Variants in PINX1 observed in about 807,000 individuals in gnomAD.
PINX1 encodes PIN2 (TERF1) interacting telomerase inhibitor 1.
PINX1 carries 34 observed loss-of-function variants against 25.4 expected under a neutral mutation model. That is an observed-to-expected ratio of 1.34 (90% CI 1.02 to 1.78). The LOEUF (loss-of-function observed/expected upper bound fraction) is 1.78. PINX1 is among the 40% of genes most tolerant of loss of function. The probability of loss-of-function intolerance (pLI) is 0.00; values close to 1 mark genes in which losing one functional copy is unlikely to be tolerated. For synonymous variants in PINX1, 197 were observed against 147.7 expected (o/e 1.33, Z -2.42); for missense variants, 592 against 404.9 (o/e 1.46, Z -3.97).
At chr8:10,813,537 T>TG (rs1279125393) in intron 6 of PINX1, among the ~76,000 whole-genome samples, 1 of 151,480 alleles carries the variant, frequency 6.6e-6, no homozygotes, top group East Asian at 1.9e-4. Context: ...CAGCAAGCAA[T>TG]GGGGAAAAAA....
At position 10,801,967 on chromosome 8, in the gene PINX1, C is replaced by T. The variant is rs145607284; in HGVS notation, c.471+18226G>A. Among the ~76,000 whole-genome samples, 1,281 of 152,302 alleles carry T rather than the reference C, an allele frequency of 8.4e-3. 20 individuals are homozygous for T. Among genetic ancestry groups the T allele is most frequent in the African/African-American group, 0.029 (1,204 of 41,562 alleles). ...ACTGGAATGCAGCAATCTCACAGTA[C>T]TGCCCCATCCCCGCAATGGAGAAGC... is the stretch of plus-strand genomic sequence containing the variant. On this transcript the variant is annotated intron_variant, in intron 6 of 6. Coordinates refer to ENST00000314787, the MANE Select transcript of PINX1 (RefSeq NM_017884.6).
chr8:10,771,094 T>A (rs1425922978), intron 6 of PINX1: 2 of 152,234 alleles, frequency 1.3e-5, no homozygotes, highest in African/African-American at 4.8e-5. Context: ...TTAAGAAAGC[T>A]TGGCAAGTGA....
intron 6 of PINX1, among the ~76,000 whole-genome samples, chr8:10,797,206 C>T (rs1802111946): frequency 6.6e-6 from 1 of 152,144 alleles, no homozygotes; most frequent in Non-Finnish European, 1.5e-5. Flanking sequence ...TTACTTTAAC[C>T]TTTGTCAGCT....
intron 6 of PINX1, among the ~76,000 whole-genome samples, chr8:10,803,760 G>C (rs528945499): frequency 1.3e-5 from 2 of 152,326 alleles, no homozygotes; most frequent in East Asian, 1.9e-4. Flanking sequence ...ACCATAAATA[G>C]TAGGTTCTTT....
intron 5 of PINX1, among the ~76,000 whole-genome samples, chr8:10,824,383 G>A (rs752167490): frequency 4.6e-5 from 7 of 151,944 alleles, no homozygotes; most frequent in Non-Finnish European, 8.8e-5. Flanking sequence ...CCTTTCCTAC[G>A]TAGGCCCAGT....
At chr8:10,832,864 C>T (rs752091748) in intron 3 of PINX1, 28 bp downstream of exon 3, 5 of 1,380,910 alleles carry the variant, frequency 3.6e-6, no homozygotes, top group Non-Finnish European at 5.1e-6. Flanking sequence ...TATGCAAAGA[C>T]ACCCAGGAGG....
chr8:10,787,870 A>G (rs912715245), intron 6 of PINX1: 2 of 454,754 alleles, frequency 4.4e-6, no homozygotes, highest in Admixed American at 4.7e-5. Context: ...ATTGGTTAAG[A>G]AAGTCTGAAA....
intron 6 of PINX1, among the ~76,000 whole-genome samples, chr8:10,806,344 C>T (rs983728200): frequency 6.6e-6 from 1 of 152,178 alleles, no homozygotes; most frequent in East Asian, 1.9e-4. Context: ...TCCATGACAC[C>T]ACGGCCGTAC....
intron 6 of PINX1, among the ~76,000 whole-genome samples, chr8:10,806,693 T>C (rs940377704): frequency 6.6e-6 from 1 of 151,898 alleles, no homozygotes; most frequent in Non-Finnish European, 1.5e-5. Flanking sequence ...AAGAGAAACA[T>C]GTGAGGGAAC....
intron 6 of PINX1, among the ~76,000 whole-genome samples, chr8:10,797,566 T>C (rs1009625190): frequency 2.0e-5 from 3 of 152,204 alleles, no homozygotes; most frequent in Non-Finnish European, 4.4e-5. Flanking sequence ...TTCAGGAATA[T>C]ATGTAAGCCA....
chr8:10,779,698 T>C (rs546864241), intron 6 of PINX1, among the ~76,000 whole-genome samples: 4 of 152,312 alleles, frequency 2.6e-5, no homozygotes, highest in East Asian at 1.9e-4. Flanking sequence ...GAAGTAAAGA[T>C]AAAAGATGAG....
intron 1 of PINX1, among the ~76,000 whole-genome samples, chr8:10,835,089 G>T (rs1439682781): frequency 6.6e-6 from 1 of 152,176 alleles, no homozygotes; most frequent in Non-Finnish European, 1.5e-5. Context: ...CAGCACAACT[G>T]AAAGCACCTG....
At chr8:10,775,427 T>G (rs1173488750) in intron 6 of PINX1, among the ~76,000 whole-genome samples, 7 of 149,104 alleles carry the variant, frequency 4.7e-5, no homozygotes, top group Admixed American at 6.7e-5. Flanking sequence ...TTTTTTTTTT[T>G]TTTTTTTTTT....
intron 6 of PINX1, among the ~76,000 whole-genome samples, chr8:10,805,648 A>C (rs375223512): frequency 1.1e-5 from 1 of 87,282 alleles, no homozygotes; most frequent in Non-Finnish European, 2.2e-5. Context: ...GGGCCACACT[A>C]GCGCTGAGTG....
At chr8:10,793,530 C>T (rs1329252355) in intron 6 of PINX1, among the ~76,000 whole-genome samples, 2 of 152,190 alleles carry the variant, frequency 1.3e-5, no homozygotes, top group African/African-American at 2.4e-5. Flanking sequence ...TCAAAGCCGC[C>T]CTGGGCAGCA....
At chr8:10,788,727 A>G (rs781178449) in intron 6 of PINX1, among the ~76,000 whole-genome samples, 2 of 152,224 alleles carry the variant, frequency 1.3e-5, no homozygotes, top group Non-Finnish European at 2.9e-5. Context: ...CCTAGGAGAA[A>G]TCATCGTGGA....
At chr8:10,831,778 C>A (rs1322662522) in intron 3 of PINX1, 35 bp from the exon 4 acceptor site, 1 of 1,217,112 alleles carries the variant, frequency 8.2e-7, no homozygotes. Context: ...AGAGGTAAGC[C>A]TGTAGTTTAC....
intron 6 of PINX1, among the ~76,000 whole-genome samples, chr8:10,801,977 C>G (rs557002554): frequency 6.6e-6 from 1 of 152,118 alleles, no homozygotes; most frequent in Non-Finnish European, 1.5e-5. Flanking sequence ...CTGCCCCATC[C>G]CCGCAATGGA....
chr8:10,787,647 G>A (rs2129075443), intron 6 of PINX1: 2 of 321,628 alleles, frequency 6.2e-6, no homozygotes, highest in Non-Finnish European at 1.2e-5. Context: ...GCCACACAAG[G>A]GAAATTAAGG....
Sources: gnomAD v4.1 joint callset for allele counts (sites outside exome capture counted in the v4.1 genomes callset) on GRCh38, gnomAD v4.1.1 for gene constraint, MANE v1.5 for transcripts, NCBI Gene and HGNC (gene_info 2026-07-23, HGNC 2026-07-21) for gene names.